C7orf78: variants seen among roughly 807,000 people sequenced by gnomAD.
C7orf78 encodes chromosome 7 open reading frame 78.
the C7orf78 span, among the ~76,000 whole-genome samples, chr7:12,499,078 A>T: frequency 1.3e-5 from 2 of 152,140 alleles, no homozygotes; most frequent in Admixed American, 1.3e-4. Context: ...AGAGCTCCTG[A>T]AGGAAGCGCT....
At chr7:12,487,249 A>G in the C7orf78 span, among the ~76,000 whole-genome samples, 1 of 152,082 alleles carries the variant, frequency 6.6e-6, no homozygotes, top group African/African-American at 2.4e-5. Context: ...CCTGATACTT[A>G]ATGTTGTTAT....
the C7orf78 span, among the ~76,000 whole-genome samples, chr7:12,520,830 CCTTA>C: frequency 6.6e-6 from 1 of 151,940 alleles, no homozygotes; most frequent in Non-Finnish European, 1.5e-5. Flanking sequence ...TTTTGAGGTC[CCTTA>C]CTATTATTGT....
the C7orf78 span, among the ~76,000 whole-genome samples, chr7:12,502,841 C>A: frequency 0.13 from 13,106 of 104,510 alleles, 918 homozygotes; most frequent in African/African-American, 0.2. Context: ...CCCAAATGTC[C>A]AAGAATGATA....
chr7:12,494,275 G>C, the C7orf78 span, among the ~76,000 whole-genome samples: 1 of 152,142 alleles, frequency 6.6e-6, no homozygotes, highest in Non-Finnish European at 1.5e-5. Context: ...TCTCAGCTGT[G>C]GTGCACTGTG....
the C7orf78 span, chr7:12,525,746 G>GA: frequency 1.0e-5 from 4 of 392,430 alleles, no homozygotes; most frequent in Non-Finnish European, 1.8e-5. Flanking sequence ...TTAATATTAG[G>GA]AAAAATCAAA....
chr7:12,489,635 C>A, the C7orf78 span, among the ~76,000 whole-genome samples: 1 of 151,904 alleles, frequency 6.6e-6, no homozygotes, highest in Non-Finnish European at 1.5e-5. Flanking sequence ...TATCTAGAAG[C>A]GGGAATGCCT....
At chr7:12,541,983 A>T in the C7orf78 span, 1 of 152,186 alleles carries the variant, frequency 6.6e-6, no homozygotes, top group African/African-American at 2.4e-5. Flanking sequence ...TAATTTTCTA[A>T]ATTTTTGTTT....
chr7:12,508,037 C>T, the C7orf78 span, among the ~76,000 whole-genome samples: 10 of 152,290 alleles, frequency 6.6e-5, no homozygotes, highest in Admixed American at 2.6e-4. Context: ...CTACGTTCTC[C>T]GGCTTCTTTG....
At chr7:12,512,956 C>T in the C7orf78 span, among the ~76,000 whole-genome samples, 1 of 152,020 alleles carries the variant, frequency 6.6e-6, no homozygotes, top group Non-Finnish European at 1.5e-5. Flanking sequence ...ACTTTATATG[C>T]ATATAGTTGT....
chr7:12,497,660 G>A, the C7orf78 span, among the ~76,000 whole-genome samples: 1 of 152,124 alleles, frequency 6.6e-6, no homozygotes, highest in African/African-American at 2.4e-5. Flanking sequence ...CTGGGGGAGG[G>A]GCGCCCACCA....
At chr7:12,530,296 ACTGT>A in the C7orf78 span, 3 of 152,170 alleles carry the variant, frequency 2.0e-5, no homozygotes, top group African/African-American at 7.2e-5. Context: ...AAGATATGAG[ACTGT>A]CTGCAAAAGA....
At chr7:12,541,637 T>G in the C7orf78 span, 8 of 151,352 alleles carry the variant, frequency 5.3e-5, no homozygotes, top group African/African-American at 1.9e-4. Context: ...AGATGGTTAG[T>G]GATAGTGTTT....
the C7orf78 span, chr7:12,506,690 A>G: frequency 4.6e-3 from 1,046 of 226,020 alleles, 9 homozygotes; most frequent in African/African-American, 0.024. Context: ...TACCTAATGT[A>G]AATGTCGAGT....
chr7:12,529,683 G>A, the C7orf78 span, among the ~76,000 whole-genome samples: 1 of 152,166 alleles, frequency 6.6e-6, no homozygotes, highest in Non-Finnish European at 1.5e-5. Context: ...AGGACATCTC[G>A]AAGTTTGGAG....
the C7orf78 span, among the ~76,000 whole-genome samples, chr7:12,509,358 C>T: frequency 5.3e-5 from 8 of 152,216 alleles, no homozygotes; most frequent in East Asian, 1.9e-4. Flanking sequence ...AAAGATCTTA[C>T]GATAGAACTA....
the C7orf78 span, among the ~76,000 whole-genome samples, chr7:12,523,726 T>C: frequency 6.6e-6 from 1 of 152,106 alleles, no homozygotes; most frequent in African/African-American, 2.4e-5. Context: ...TTAGATATGA[T>C]TGGAGAACAG....
At chr7:12,522,697 T>G in the C7orf78 span, among the ~76,000 whole-genome samples, 1 of 152,162 alleles carries the variant, frequency 6.6e-6, no homozygotes, top group Admixed American at 6.5e-5. Context: ...GGCTTTTATG[T>G]TTGTCTTTTA....
At chr7:12,526,473 A>T in the C7orf78 span, among the ~76,000 whole-genome samples, 2 of 152,126 alleles carry the variant, frequency 1.3e-5, no homozygotes, top group Non-Finnish European at 2.9e-5. Context: ...TCTGAATGCT[A>T]TATTTACATA....
the C7orf78 span, among the ~76,000 whole-genome samples, chr7:12,502,675 T>C: frequency 6.6e-6 from 1 of 152,054 alleles, no homozygotes; most frequent in Non-Finnish European, 1.5e-5. Context: ...GTTGGTGTGG[T>C]GATTCCTCAG....
Sources: gnomAD v4.1 joint callset for allele counts (sites outside exome capture counted in the v4.1 genomes callset) on GRCh38, gnomAD v4.1.1 for gene constraint, MANE v1.5 for transcripts, NCBI Gene and HGNC (gene_info 2026-07-23, HGNC 2026-07-21) for gene names.